Variants in EYS observed in about 807,000 individuals in gnomAD.
The protein encoded by EYS is EGF-like photoreceptor maintenance factor.
Under a neutral mutation model 282.1 loss-of-function variants are expected in EYS, and 250 were observed. That is an observed-to-expected ratio of 0.89 (90% CI 0.80 to 0.98). The LOEUF (loss-of-function observed/expected upper bound fraction) is 0.98, where lower values mean the gene tolerates loss of function less well. EYS is among the 50% of genes least tolerant of loss of function. The pLI is 0.00. For synonymous variants in EYS, 1,355 were observed against 1,282.9 expected, an observed-to-expected ratio of 1.06 and a Z score of -1.20; for missense variants, 4,016 against 3,709.0, an observed-to-expected ratio of 1.08 and a Z score of -2.15.
intron 22 of EYS, among the ~76,000 whole-genome samples, chr6:64,752,711 A>C (rs1190814862): frequency 6.6e-6 from 1 of 152,190 alleles, no homozygotes; most frequent in Non-Finnish European, 1.5e-5. Flanking sequence ...TTACTAGGCA[A>C]TCTAAAGTCA....
At position 64,005,614 on chromosome 6, in the gene EYS, A is replaced by G. The variant is rs541223330; in HGVS notation, c.6726-6431T>C. Among the ~76,000 whole-genome samples, 5 of 152,302 alleles carry G rather than the reference A, an allele frequency of 3.3e-5. No homozygotes were observed. In the South Asian group the frequency reaches 1.0e-3, roughly 32 times the overall value. ...TTTATAGTTTTGGGTTTTACATTTA[A>G]GTCTTTAATCCATCGTGAGTTGACT... On this transcript the variant is annotated intron_variant, in intron 33 of 42. Transcript: ENST00000503581.
intron 36 of EYS, among the ~76,000 whole-genome samples, chr6:63,830,043 A>G (rs1484719151): frequency 1.3e-5 from 2 of 152,230 alleles, no homozygotes; most frequent in African/African-American, 2.4e-5. Context: ...AAGGACATCC[A>G]CACCAAATCC....
intron 12 of EYS, among the ~76,000 whole-genome samples, chr6:65,223,658 A>G (rs1766536865): frequency 6.6e-6 from 1 of 152,152 alleles, no homozygotes; most frequent in African/African-American, 2.4e-5. Flanking sequence ...CAGTCTAAGA[A>G]CAGCACCTTA....
Position 64,692,977 on chromosome 6 carries a change from C to CTTTTTTTTTTTTTT in EYS, c.3444-66746_3444-66733dup, listed in dbSNP as rs67700846. On this transcript the variant is annotated intron_variant, in intron 22 of 42. Transcript: ENST00000503581. ...CTTGGGATTGGTTTGGCTGCTTGGG[C>CTTTTTTTTTTTTTT]TTTTTTTTTTTTTTTTTTTTTTGGT... Among the ~76,000 whole-genome samples, 12 of 11,500 alleles carry CTTTTTTTTTTTTTT rather than the reference C, an allele frequency of 1.0e-3. 5 individuals carry two copies. The highest frequency in any genetic ancestry group is 7.5e-3 in the East Asian group (3 of 398). 7.5% of individuals were successfully genotyped at this position (11,500 alleles called of 152,430 possible). A position where few individuals can be genotyped will look rare whatever the true frequency, so the allele number is the denominator to read the frequency against.
At chr6:64,896,526 G>A (rs549860399) in intron 18 of EYS, among the ~76,000 whole-genome samples, 7 of 149,460 alleles carry the variant, frequency 4.7e-5, no homozygotes, top group African/African-American at 1.7e-4. Context: ...CAGACATTGA[G>A]CTAGCTGCAG....
At chr6:64,661,937 T>C (rs1769041655) in intron 22 of EYS, among the ~76,000 whole-genome samples, 1 of 150,688 alleles carries the variant, frequency 6.6e-6, no homozygotes, top group African/African-American at 2.5e-5. Flanking sequence ...TGCACACGTA[T>C]GTTTATTGCG....
At chr6:64,781,170 C>G (rs975019120) in intron 22 of EYS, among the ~76,000 whole-genome samples, 2 of 152,054 alleles carry the variant, frequency 1.3e-5, no homozygotes, top group Admixed American at 6.5e-5. Flanking sequence ...TAGAGGATAC[C>G]CAGTTAAATG....
At chr6:64,833,454 T>C (rs1765284135) in intron 19 of EYS, among the ~76,000 whole-genome samples, 1 of 152,020 alleles carries the variant, frequency 6.6e-6, no homozygotes, top group South Asian at 2.1e-4. Context: ...GGTGTTGCTG[T>C]TGCTCACCCT....
chr6:64,657,345 C>T (rs1344954182), intron 22 of EYS, among the ~76,000 whole-genome samples: 1 of 152,076 alleles, frequency 6.6e-6, no homozygotes, highest in East Asian at 1.9e-4. Flanking sequence ...GAGCATTTAG[C>T]CCATTTACAT....
chr6:64,621,829 G>C (rs2149853225), intron 23 of EYS, among the ~76,000 whole-genome samples: 2 of 152,254 alleles, frequency 1.3e-5, no homozygotes, highest in South Asian at 4.1e-4. Context: ...GACTGTCCCA[G>C]GGATTGAGAA....
rs1387469389 is a variant in EYS at position 65,384,442 on chromosome 6, G to C, written c.1243C>G (p.Leu415Val). Reference protein sequence around the residue: ...CEKAIDHCKLLSINCLNEEWC... With the variant: ...CEKAIDHCKLVSINCLNEEWC... ...TCTTCATTCAGACAGTTGATGCTGA[G>C]CAGTTTACAGTGGTCAATTGCTTTC... The change falls in exon 8 of 43, where the codon CTC (leucine) becomes GTC (valine). Residue 415 changes from leucine (L) to valine (V), a missense_variant. Leu to Val is a conservative substitution (Grantham distance 32, BLOSUM62 1). Transcript: ENST00000503581. 1 of 1,609,542 alleles carries C rather than the reference G, an allele frequency of 6.2e-7. No individual in the cohort carries two copies. Among genetic ancestry groups the C allele is most frequent in the Non-Finnish European group, 8.5e-7 (1 of 1,177,614 alleles).
intron 32 of EYS, among the ~76,000 whole-genome samples, chr6:64,066,746 T>A (rs1469559363): frequency 6.6e-6 from 1 of 152,172 alleles, no homozygotes; most frequent in Non-Finnish European, 1.5e-5. Flanking sequence ...AGTAGCTAGA[T>A]GTCCTTAACT....
In EYS at chr6:65,382,022, C is replaced by A. The variant is rs1171230350; in HGVS notation, c.1299+2364G>T. On this transcript the variant is annotated intron_variant, in intron 8 of 42. Transcript: ENST00000503581. ...TATTATCTCATGTGAACAGTACATACCTCTATTATGATTATGTTTATTTCT... is the reference window on the plus strand; with the variant it reads ...TATTATCTCATGTGAACAGTACATAACTCTATTATGATTATGTTTATTTCT... Among the ~76,000 whole-genome samples, 3 of 151,418 alleles carry A rather than the reference C, an allele frequency of 2.0e-5. No individual in the cohort carries two copies. The East Asian group carries it at 5.8e-4, about 29-fold the overall frequency.
At chr6:65,041,262 G>T (rs62407175) in intron 13 of EYS, among the ~76,000 whole-genome samples, 2 of 151,690 alleles carry the variant, frequency 1.3e-5, no homozygotes, top group African/African-American at 2.4e-5. Flanking sequence ...GCCATAAGTC[G>T]TGGCTCACGT....
chr6:65,545,423 T>A (rs1311846654), intron 2 of EYS, among the ~76,000 whole-genome samples: 4 of 152,254 alleles, frequency 2.6e-5, no homozygotes, highest in Non-Finnish European at 5.9e-5. Context: ...TGGAGCTTGA[T>A]ATGAGTAGCA....
intron 19 of EYS, among the ~76,000 whole-genome samples, chr6:64,824,610 G>A (rs1764995515): frequency 6.6e-6 from 1 of 151,878 alleles, no homozygotes; most frequent in East Asian, 1.9e-4. Context: ...GGCAGAGTCA[G>A]TGCTGAAATT....
intron 26 of EYS, among the ~76,000 whole-genome samples, chr6:64,473,996 A>T (rs947006269): frequency 6.6e-6 from 1 of 152,310 alleles, no homozygotes; most frequent in African/African-American, 2.4e-5. Flanking sequence ...AACCTTAATT[A>T]TGCTCATTAA....
chr6:64,995,715 T>TTCCCC (rs1771232131), intron 14 of EYS, among the ~76,000 whole-genome samples: 2 of 147,126 alleles, frequency 1.4e-5, no homozygotes, highest in East Asian at 2.1e-4. Flanking sequence ...TCTTTCTGCT[T>TTCCCC]CCCCCCCGCC....
intron 40 of EYS, among the ~76,000 whole-genome samples, chr6:63,763,509 G>C (rs1254529703): frequency 6.6e-6 from 1 of 151,928 alleles, no homozygotes; most frequent in African/African-American, 2.4e-5. Context: ...TTGTGGGAGG[G>C]ACCAGGTGGA....
Sources: allele counts gnomAD v4.1 joint callset (sites outside exome capture counted in the v4.1 genomes callset), GRCh38; gene constraint gnomAD v4.1.1; transcripts MANE v1.5; gene names NCBI Gene and HGNC (gene_info 2026-07-23, HGNC 2026-07-21).